Variants in SLC35E3 observed in about 807,000 individuals in gnomAD.
SLC35E3 encodes the protein bladder cancer-overexpressed gene 1 protein.
Under a neutral mutation model 30.8 loss-of-function variants are expected in SLC35E3, and 28 were observed. The observed-to-expected ratio is 0.91, with a 90% CI of 0.67 to 1.25. The LOEUF is 1.25. Among genes scored for constraint, SLC35E3 ranks in the 50% most tolerant of loss-of-function variants. The pLI, the probability that SLC35E3 is intolerant of heterozygous loss-of-function variation, is 0.00. For synonymous variants in SLC35E3, 146 were observed against 149.2 expected (o/e 0.98, Z 0.16); for missense variants, 365 against 375.4 (o/e 0.97, Z 0.23).
chr12:68,759,024 C>T (rs1026492627), intron 3 of SLC35E3, 133 bp from the exon 4 acceptor site: 14 of 702,850 alleles, frequency 2.0e-5, no homozygotes, highest in Admixed American at 8.2e-5. Context: ...CCACCGCGCC[C>T]GGCCCTCTCT....
At chr12:68,760,752 CAG>C (rs1879210316) in intron 4 of SLC35E3, among the ~76,000 whole-genome samples, 1 of 152,132 alleles carries the variant, frequency 6.6e-6, no homozygotes, top group Non-Finnish European at 1.5e-5. Context: ...GTGCCAGGCA[CAG>C]GGGATACAGT....
rs1279627761 is a variant in SLC35E3, at chr12:68,746,631, G to C, written c.254G>C (p.Cys85Ser). ...SRLLLLALSF[C>S]GFVVFTNLSL... is the part of the protein sequence containing the mutation. ...CTCCTCCTCCTGGCCCTCAGCTTCT[G>C]TGGCTTTGTGGTCTTCACTAACCTT... The change falls in exon 1 of 5, where the codon TGT becomes TCT. Residue 85 changes from cysteine to serine, a missense_variant. Coordinates refer to ENST00000398004, the MANE Select transcript of SLC35E3 (RefSeq NM_018656.5). 4.3e-6 allele frequency: 7 copies of C among 1,614,212 alleles called. No homozygotes were observed. The South Asian group carries it at 6.6e-5, about 15-fold the overall frequency.
rs780351440 is a variant in SLC35E3, at chr12:68,746,519, C to T, written c.142C>T (p.Leu48=). 3.7e-6 allele frequency: 6 copies of T among 1,614,262 alleles called. No homozygotes were observed. In the South Asian group the frequency reaches 6.6e-5, roughly 18 times the overall value. ...YHGFPNMSLT[L]VHFVVTWLGL... ...CGGCTTCCCCAACATGAGCCTGACC[C>T]TGGTGCACTTCGTGGTCACCTGGCT... The change falls in exon 1 of 5, where the codon CTG becomes TTG. Residue 48 remains leucine, a synonymous_variant. Coordinates refer to ENST00000398004, the MANE Select transcript of SLC35E3 (RefSeq NM_018656.5).
Position 68,773,912 on chromosome 12 carries a change from T to A in SLC35E3, c.*9022T>A, listed in dbSNP as rs1879670585. The stretch of plus-strand genomic sequence containing the variant: ...TCTCCACTCTAGAGGCTAGAAATAC[T>A]AAATTCTCTTTTTACCTCGTTGCCT... On this transcript the variant is annotated 3_prime_UTR_variant, in exon 5 of 5. Transcript: ENST00000398004. The A allele has an allele frequency of 6.6e-6, 1 of 152,200 alleles. No homozygotes were observed. Among genetic ancestry groups the A allele is most frequent in the Admixed American group, 6.5e-5 (1 of 15,276 alleles). The allele number at this position is 152,200 out of a possible 1,614,324, so 9.4% of individuals were successfully genotyped here.
Position 68,769,701 on chromosome 12 carries a change from G to T in SLC35E3, c.*4811G>T, listed in dbSNP as rs548494259. 3 of 152,144 alleles carry T rather than the reference G, an allele frequency of 2.0e-5. No homozygotes were observed. The highest frequency in any genetic ancestry group is 4.4e-5 in the Non-Finnish European group (3 of 68,036). The allele number at this position is 152,144 out of a possible 1,614,324, so 9.4% of individuals were successfully genotyped here. A position where few individuals can be genotyped will look rare whatever the true frequency, so the allele number is the denominator to read the frequency against. ...AGAAAGGAGACCGGATTTATTAGAT[G>T]TGGTCCGTTTTGTCTTTCTGTTCCC... On this transcript the variant is annotated 3_prime_UTR_variant, in exon 5 of 5. Transcript: ENST00000398004.
chr12:68,773,765 C>A lies in SLC35E3; in HGVS notation c.*8875C>A, dbSNP rs555221065. On this transcript the variant is annotated 3_prime_UTR_variant, in exon 5 of 5. Coordinates refer to ENST00000398004, the MANE Select transcript of SLC35E3 (RefSeq NM_018656.5). ...AGAGAATTATGGTGTGACTCATTGA[C>A]CATATTTGTTAGGATCAGCATTTTT... is the stretch of plus-strand genomic sequence containing the variant. 1 of 152,014 alleles carries A rather than the reference C, an allele frequency of 6.6e-6. No individual in the cohort carries two copies. The highest frequency in any genetic ancestry group is 2.4e-5 in the African/African-American group (1 of 41,386). The allele number at this position is 152,014 out of a possible 1,614,324, so 9.4% of individuals were successfully genotyped here.
chr12:68,751,791 T>C (rs547303916), intron 2 of SLC35E3, among the ~76,000 whole-genome samples: 1 of 152,318 alleles, frequency 6.6e-6, no homozygotes, highest in South Asian at 2.1e-4. Flanking sequence ...TTCTCCTCCT[T>C]CTAAGAATTG....
At chr12:68,751,214 A>G (rs1007371330) in intron 2 of SLC35E3, among the ~76,000 whole-genome samples, 1 of 151,960 alleles carries the variant, frequency 6.6e-6, no homozygotes, top group Non-Finnish European at 1.5e-5. Context: ...ACGAGACCAC[A>G]TACCTTTTCA....
Position 68,752,210 on chromosome 12 carries a change from A to T in SLC35E3, c.672+20A>T. 1 of 1,581,736 alleles carries T rather than the reference A, an allele frequency of 6.3e-7. No homozygotes were observed. Among genetic ancestry groups the T allele is most frequent in the South Asian group, 1.2e-5 (1 of 85,250 alleles). On this transcript the variant is annotated intron_variant, in intron 3 of 4. Coordinates refer to ENST00000398004, the MANE Select transcript of SLC35E3 (RefSeq NM_018656.5). ...GCTTTGGTAAGTTCTAATTGTTTTG[A>T]TATCTAAGAAACAGTATAATAATAA... is the stretch of plus-strand genomic sequence containing the variant.
rs117416459 is a variant in SLC35E3, at chr12:68,773,433, T to C, written c.*8543T>C. 3,208 of 152,290 alleles carry C rather than the reference T, an allele frequency of 0.021. 52 individuals carry two copies. Among genetic ancestry groups the C allele is most frequent in the Non-Finnish European group, 0.032 (2,191 of 68,164 alleles). The allele number at this position is 152,290 out of a possible 1,614,324, so 9.4% of individuals were successfully genotyped here. ...TATTTTGTTTTGTTTTGGAGATAGG[T>C]TCTCCCTCTGTCACCCAGGCTGGAG... On this transcript the variant is annotated 3_prime_UTR_variant, in exon 5 of 5. Transcript: ENST00000398004.
In SLC35E3 at chr12:68,766,499, A is replaced by G. The variant is rs995067018; in HGVS notation, c.*1609A>G. 5.6e-6 allele frequency: 1 copy of G among 177,102 alleles called. No individual in the cohort carries two copies. The highest frequency in any genetic ancestry group is 1.2e-5 in the Non-Finnish European group (1 of 82,264). The allele number at this position is 177,102 out of a possible 1,614,324, so 11.0% of individuals were successfully genotyped here. On this transcript the variant is annotated 3_prime_UTR_variant, in exon 5 of 5. Transcript: ENST00000398004. ...GAAACTCCATCTCAAAAAAAAAAAA[A>G]AAAAATAGCCCTATGTTTAAATGGC...
At chr12:68,763,489 A>G (rs1490444871) in intron 4 of SLC35E3, among the ~76,000 whole-genome samples, 1 of 152,044 alleles carries the variant, frequency 6.6e-6, no homozygotes, top group Non-Finnish European at 1.5e-5. Context: ...TCCCAGGTTC[A>G]AGCGATTCTC....
Position 68,767,105 on chromosome 12 carries a change from G to A in SLC35E3, c.*2215G>A, listed in dbSNP as rs1002044030. ...TATAAGATCCCAATATAGAAAAATT[G>A]GGATATTAGAGGAAATACATGATTT... is the stretch of plus-strand genomic sequence containing the variant. On this transcript the variant is annotated 3_prime_UTR_variant, in exon 5 of 5. Coordinates refer to ENST00000398004, the MANE Select transcript of SLC35E3 (RefSeq NM_018656.5). 1 of 153,828 alleles carries A rather than the reference G, an allele frequency of 6.5e-6. No homozygotes were observed. The highest frequency in any genetic ancestry group is 2.4e-5 in the African/African-American group (1 of 41,460). 9.5% of individuals were successfully genotyped at this position (153,828 alleles called of 1,614,324 possible).
intron 3 of SLC35E3, among the ~76,000 whole-genome samples, chr12:68,755,993 G>A (rs1878986259): frequency 6.6e-6 from 1 of 152,112 alleles, no homozygotes; most frequent in African/African-American, 2.4e-5. Context: ...CAGCTAATAA[G>A]CAGAAACACA....
At chr12:68,760,351 A>G (rs1446061878) in intron 4 of SLC35E3, among the ~76,000 whole-genome samples, 3 of 152,214 alleles carry the variant, frequency 2.0e-5, no homozygotes, top group Non-Finnish European at 4.4e-5. Context: ...TTTGCCAACT[A>G]TCAATAAAAA....
Position 68,774,821 on chromosome 12 carries a change from TAAAAA to T in SLC35E3, c.*9944_*9948del, listed in dbSNP as rs71091558. 2.1e-5 allele frequency: 2 copies of T among 94,588 alleles called. No homozygotes were observed. The highest frequency in any genetic ancestry group is 3.5e-4 in the South Asian group (1 of 2,894). 5.9% of individuals were successfully genotyped at this position (94,588 alleles called of 1,614,324 possible). ...CAATGCCGTTAGATGCCCTATCTCT[TAAAAA>T]AAAAAAAAAAAAGATAAAATAAAAG... is the stretch of plus-strand genomic sequence containing the variant. On this transcript the variant is annotated 3_prime_UTR_variant, in exon 5 of 5. Transcript: ENST00000398004.
At chr12:68,751,292 T>C (rs1878782374) in intron 2 of SLC35E3, among the ~76,000 whole-genome samples, 1 of 125,786 alleles carries the variant, frequency 8.0e-6, no homozygotes, top group Non-Finnish European at 1.7e-5. Flanking sequence ...CCCCCCAACC[T>C]CTGTCTTTGT....
chr12:68,752,252 G>A lies in SLC35E3; in HGVS notation c.672+62G>A, dbSNP rs1878832062. The A allele has an allele frequency of 2.1e-6, 3 of 1,431,990 alleles. No individual in the cohort carries two copies. The African/African-American group carries it at 4.3e-5, about 21-fold the overall frequency. 88.7% of individuals were successfully genotyped at this position (1,431,990 alleles called of 1,614,324 possible). ...TAATAATAACTCCTCCATTATTAAT[G>A]TAATTTTTAGTTTTCAGAGCACTAT... On this transcript the variant is annotated intron_variant, in intron 3 of 4. Transcript: ENST00000398004.
Position 68,776,645 on chromosome 12 carries a change from C to G in SLC35E3, c.*11755C>G, listed in dbSNP as rs1879753607. 6.6e-6 allele frequency: 1 copy of G among 152,264 alleles called. No individual in the cohort carries two copies. Among genetic ancestry groups the G allele is most frequent in the Non-Finnish European group, 1.5e-5 (1 of 68,308 alleles). The allele number at this position is 152,264 out of a possible 1,614,324, so 9.4% of individuals were successfully genotyped here. On this transcript the variant is annotated 3_prime_UTR_variant, in exon 5 of 5. Transcript: ENST00000398004. ...AGGTTGCAGTGAGCTGAGATCATGC[C>G]ACTGCACTCCAGCCTGGATGACAGA... is the stretch of plus-strand genomic sequence containing the variant.
Sources: gnomAD v4.1 joint callset for allele counts (sites outside exome capture counted in the v4.1 genomes callset) on GRCh38, gnomAD v4.1.1 for gene constraint, MANE v1.5 for transcripts, NCBI Gene and HGNC (gene_info 2026-07-23, HGNC 2026-07-21) for gene names.